Variants in RAPGEF6 observed in about 807,000 individuals in gnomAD.
RAPGEF6 encodes the protein Rap guanine nucleotide exchange factor 6.
A neutral mutation model predicts 171.4 loss-of-function variants in RAPGEF6; 56 were observed. The observed-to-expected ratio is 0.33, with a 90% CI of 0.26 to 0.41. The LOEUF is 0.41. Ranked by LOEUF, RAPGEF6 falls within the 10% of genes least tolerant of loss-of-function variation. The probability of loss-of-function intolerance (pLI) is 1.00; values close to 1 mark genes in which losing one functional copy is unlikely to be tolerated. For missense variants in RAPGEF6, 1,674 were observed against 1,921.4 expected (o/e 0.87, Z 2.41); for synonymous variants, 692 against 650.1 (o/e 1.06, Z -0.98).
At chr5:131,562,760 T>C (rs1405825325) in intron 4 of RAPGEF6, among the ~76,000 whole-genome samples, 2 of 152,204 alleles carry the variant, frequency 1.3e-5, no homozygotes, top group African/African-American at 4.8e-5. Context: ...ATATGCTTAG[T>C]AGAGATGCAA....
At chr5:131,547,122 G>A (rs1323820759) in intron 6 of RAPGEF6, among the ~76,000 whole-genome samples, 2 of 152,142 alleles carry the variant, frequency 1.3e-5, no homozygotes, top group Non-Finnish European at 2.9e-5. Context: ...AGGCAAATGT[G>A]ACAAACATTA....
chr5:131,476,589 T>G (rs1310466891), intron 16 of RAPGEF6, among the ~76,000 whole-genome samples: 1 of 152,078 alleles, frequency 6.6e-6, no homozygotes, highest in Non-Finnish European at 1.5e-5. Context: ...GCCTCCCGAG[T>G]AACTGGGATT....
chr5:131,599,612 G>C (rs1561595524), intron 3 of RAPGEF6, among the ~76,000 whole-genome samples: 1 of 152,138 alleles, frequency 6.6e-6, no homozygotes, highest in Non-Finnish European at 1.5e-5. Flanking sequence ...TGGATCAACT[G>C]GATGTCCATA....
In RAPGEF6 at chr5:131,464,264, T is replaced by C; in HGVS notation, c.2257A>G (p.Ile753Val). 6.2e-7 allele frequency: 1 copy of C among 1,611,322 alleles called. No individual in the cohort carries two copies. The highest frequency in any genetic ancestry group is 8.5e-7 in the Non-Finnish European group (1 of 1,177,752). The change falls in exon 18 of 28, where the codon ATA becomes GTA. Residue 753 changes from isoleucine (I) to valine (V), a missense_variant. Physicochemically the swap from Ile to Val is conservative, Grantham distance 29. Transcript: ENST00000509018. ...TGCTGATCCACTTTGAAAACTCTTATAACTTGATCAGGGATATCTACATAA... is the reference window on the plus strand; with the variant it reads ...TGCTGATCCACTTTGAAAACTCTTACAACTTGATCAGGGATATCTACATAA... ...SNPSDIPDQV[I>V]RVFKVDQQSC...
rs1322487713 is a variant in RAPGEF6, at chr5:131,435,851, T to C, written c.3746-2193A>G. 4 of 1,430,840 alleles carry C rather than the reference T, an allele frequency of 2.8e-6. No homozygotes were observed. In the African/African-American group the frequency reaches 5.7e-5, roughly 21 times the overall value. The allele number at this position is 1,430,840 out of a possible 1,614,324, so 88.6% of individuals were successfully genotyped here. On this transcript the variant is annotated intron_variant, in intron 24 of 27. Transcript: ENST00000509018. ...CAAGTGTTTATAAATAGTATTTTAC[T>C]AAGTTGTCTGCCTAAGCTTTGACAA...
chr5:131,439,528 C>G, intron 24 of RAPGEF6, 53 bp downstream of exon 24: 1 of 1,532,336 alleles, frequency 6.5e-7, no homozygotes, highest in Non-Finnish European at 8.8e-7. Context: ...AAAATATGTG[C>G]TATAAAGTAT....
At chr5:131,535,327 G>A (rs1759693984) in intron 6 of RAPGEF6, among the ~76,000 whole-genome samples, 1 of 152,048 alleles carries the variant, frequency 6.6e-6, no homozygotes, top group African/African-American at 2.4e-5. Flanking sequence ...TTTAACTACT[G>A]AATGAAGAAA....
Position 131,435,751 on chromosome 5 carries a change from C to T in RAPGEF6, c.3746-2093G>A, listed in dbSNP as rs186692017. ...AGCTAACAGTAGGAAATAAAGTCAA[C>T]TACAGAAAACAAGAGTATAAAATTT... On this transcript the variant is annotated intron_variant, in intron 24 of 27. Coordinates refer to ENST00000509018, the MANE Select transcript of RAPGEF6 (RefSeq NM_016340.6). 18 of 1,088,982 alleles carry T rather than the reference C, an allele frequency of 1.7e-5. No individual in the cohort carries two copies. The East Asian group carries it at 5.3e-4, about 32-fold the overall frequency. 67.5% of individuals were successfully genotyped at this position (1,088,982 alleles called of 1,614,324 possible). A position where few individuals can be genotyped will look rare whatever the true frequency, so the allele number is the denominator to read the frequency against.
chr5:131,594,294 G>C (rs1272192842), intron 3 of RAPGEF6, among the ~76,000 whole-genome samples: 1 of 152,248 alleles, frequency 6.6e-6, no homozygotes, highest in Non-Finnish European at 1.5e-5. Flanking sequence ...TCAAGCCATT[G>C]AATCAGAGGC....
Position 131,527,842 on chromosome 5 carries a change from T to C in RAPGEF6, c.496-6321A>G, listed in dbSNP as rs928607751. On this transcript the variant is annotated intron_variant, in intron 6 of 27. Coordinates refer to ENST00000509018, the MANE Select transcript of RAPGEF6 (RefSeq NM_016340.6). ...CATCCTGGCTAACACGGTGAAACCC[T>C]GTCTCTACTAAAAATACAAAAAATT... 5.3e-5 allele frequency among the ~76,000 whole-genome samples: 8 copies of C among 151,350 alleles called. No homozygotes were observed. The South Asian group carries it at 6.3e-4, about 12-fold the overall frequency.
chr5:131,612,850 AAT>A (rs1765016929), intron 1 of RAPGEF6, among the ~76,000 whole-genome samples: 1 of 152,216 alleles, frequency 6.6e-6, no homozygotes, highest in Non-Finnish European at 1.5e-5. Context: ...CAATGCCATG[AAT>A]ATATGAGAAA....
At chr5:131,466,037 G>C (rs1754312693) in intron 17 of RAPGEF6, among the ~76,000 whole-genome samples, 1 of 142,702 alleles carries the variant, frequency 7.0e-6, no homozygotes, top group Non-Finnish European at 1.5e-5. Flanking sequence ...AACAGATACA[G>C]ATATGGCAGG....
chr5:131,428,682 G>C (rs1442152712), intron 27 of RAPGEF6, among the ~76,000 whole-genome samples: 3 of 151,802 alleles, frequency 2.0e-5, no homozygotes, highest in Non-Finnish European at 4.4e-5. Context: ...GGCTGGTCAG[G>C]AACTCCCGAC....
intron 17 of RAPGEF6, among the ~76,000 whole-genome samples, chr5:131,471,778 C>A (rs1157193795): frequency 6.6e-6 from 1 of 152,010 alleles, no homozygotes; most frequent in African/African-American, 2.4e-5. Context: ...ACTGGAAGTC[C>A]AAACAACAAT....
intron 1 of RAPGEF6, among the ~76,000 whole-genome samples, chr5:131,606,029 C>CAAAAA (rs1168486376): frequency 3.8e-3 from 270 of 70,290 alleles, no homozygotes; most frequent in Middle Eastern, 0.014. Context: ...GACTCCATCT[C>CAAAAA]AAAAAAAAAA....
In RAPGEF6 at chr5:131,521,510, A is replaced by G; in HGVS notation, c.507T>C (p.Asp169=). The change falls in exon 7 of 28, where the codon GAT becomes GAC. Residue 169 remains aspartate (D), a synonymous_variant. Transcript: ENST00000509018. ...EVNSYLSLPA[D]LTKMHLTENP... ...TTTCTGTGAGATGCATCTTGGTAAG[A>G]TCAGCTGGAAGCTGAAAAAAAAAAT... is the stretch of plus-strand genomic sequence containing the variant. 1 of 1,603,772 alleles carries G rather than the reference A, an allele frequency of 6.2e-7. No individual in the cohort carries two copies. Among genetic ancestry groups the G allele is most frequent in the Non-Finnish European group, 8.5e-7 (1 of 1,176,246 alleles).
At chr5:131,513,623 G>A (rs1288037306) in intron 7 of RAPGEF6, among the ~76,000 whole-genome samples, 2 of 152,174 alleles carry the variant, frequency 1.3e-5, no homozygotes, top group Non-Finnish European at 2.9e-5. Context: ...TGGAAGTCAT[G>A]GGTTGGGACT....
intron 15 of RAPGEF6, among the ~76,000 whole-genome samples, chr5:131,484,095 C>CAA (rs757936744): frequency 3.6e-4 from 15 of 42,030 alleles, no homozygotes; most frequent in African/African-American, 7.3e-4. Flanking sequence ...GACTCCATCT[C>CAA]AAAAAAAAAA....
At position 131,431,005 on chromosome 5, in the gene RAPGEF6, G is replaced by A. The variant is rs756370295; in HGVS notation, c.4319C>T (p.Ser1440Phe). 2 of 1,614,160 alleles carry A rather than the reference G, an allele frequency of 1.2e-6. No homozygotes were observed. The highest frequency in any genetic ancestry group is 1.3e-5 in the African/African-American group (1 of 75,034). ...RKSWTSSSSL[S>F]DTYEPNYGTV... Reference sequence around the variant, plus strand: ...CCCATAGTTTGGTTCATACGTGTCAGACAGAGAACTGGAGGAGGTCCAACT... The same window carrying A: ...CCCATAGTTTGGTTCATACGTGTCAAACAGAGAACTGGAGGAGGTCCAACT... The change falls in exon 26 of 28, where the codon TCT becomes TTT. Residue 1440 changes from serine to phenylalanine, a missense_variant. Coordinates refer to ENST00000509018, the MANE Select transcript of RAPGEF6 (RefSeq NM_016340.6).
Sources: gnomAD v4.1 joint callset for allele counts (sites outside exome capture counted in the v4.1 genomes callset) on GRCh38, gnomAD v4.1.1 for gene constraint, MANE v1.5 for transcripts, NCBI Gene and HGNC (gene_info 2026-07-23, HGNC 2026-07-21) for gene names.